Variants in SNTG2 observed in about 807,000 individuals in gnomAD.
The protein encoded by SNTG2 is syntrophin gamma 2, also known as gamma-2-syntrophin.
In SNTG2, 74 loss-of-function variants were observed where a neutral mutation model predicts 70.9. The ratio of observed to expected loss-of-function variants is 1.04; its 90% CI spans 0.86 to 1.27. The LOEUF is 1.27. SNTG2 is among the 50% of genes most tolerant of loss of function. The pLI, the probability that SNTG2 is intolerant of heterozygous loss-of-function variation, is 0.00. For missense variants in SNTG2, 717 were observed against 690.7 expected, an observed-to-expected ratio of 1.04 and a Z score of -0.43; for synonymous variants, 278 against 273.8, an observed-to-expected ratio of 1.02 and a Z score of -0.15.
intron 1 of SNTG2, among the ~76,000 whole-genome samples, chr2:1,008,293 T>G (rs1240736015): frequency 6.6e-6 from 1 of 152,250 alleles, no homozygotes; most frequent in Admixed American, 6.5e-5. Flanking sequence ...TCACCATTTA[T>G]AAGCAGATTC....
intron 12 of SNTG2, among the ~76,000 whole-genome samples, chr2:1,253,959 G>T (rs1677905170): frequency 6.6e-6 from 1 of 151,974 alleles, no homozygotes; most frequent in African/African-American, 2.4e-5. Flanking sequence ...GAGGAAGGGA[G>T]AAGATGCCAC....
At position 1,020,161 on chromosome 2, in the gene SNTG2, T is replaced by C. The variant is rs572371339; in HGVS notation, c.73-63357T>C. On this transcript the variant is annotated intron_variant, in intron 1 of 16. Transcript: ENST00000308624. Reference sequence around the variant, plus strand: ...AATGGTGCATTTCAAGTACACAAGCTGATGATGAATAAAATCCCATTTTAT... The same window carrying C: ...AATGGTGCATTTCAAGTACACAAGCCGATGATGAATAAAATCCCATTTTAT... Among the ~76,000 whole-genome samples, 39 of 152,362 alleles carry C rather than the reference T, an allele frequency of 2.6e-4. No homozygotes were observed. In the South Asian group the frequency reaches 7.9e-3, roughly 31 times the overall value.
intron 9 of SNTG2, among the ~76,000 whole-genome samples, chr2:1,215,113 A>G (rs1323024791): frequency 6.6e-6 from 1 of 152,168 alleles, no homozygotes; most frequent in Non-Finnish European, 1.5e-5. Context: ...GATCTTTTTA[A>G]TGTGCTATTG....
chr2:1,156,965 C>T lies in SNTG2; in HGVS notation c.412-8583C>T, dbSNP rs576776337. On this transcript the variant is annotated intron_variant, in intron 6 of 16. Transcript: ENST00000308624. Reference sequence around the variant, plus strand: ...AGGCCAATCTGGGCATCTTAAACTCCTTCCCTGGTTATCCATAGAAATATG... The same window carrying T: ...AGGCCAATCTGGGCATCTTAAACTCTTTCCCTGGTTATCCATAGAAATATG... 3.3e-5 allele frequency among the ~76,000 whole-genome samples: 5 copies of T among 152,232 alleles called. No individual in the cohort carries two copies. The East Asian group carries it at 7.7e-4, about 24-fold the overall frequency.
At chr2:1,062,216 G>A (rs557584277) in intron 1 of SNTG2, among the ~76,000 whole-genome samples, 46 of 152,246 alleles carry the variant, frequency 3.0e-4, no homozygotes, top group Admixed American at 5.2e-4. Context: ...TGATGGCCAC[G>A]TTTGTCATTG....
At chr2:1,090,012 C>T (rs1196860326) in intron 2 of SNTG2, among the ~76,000 whole-genome samples, 1 of 152,210 alleles carries the variant, frequency 6.6e-6, no homozygotes, top group Non-Finnish European at 1.5e-5. Context: ...GTTCCATTTA[C>T]ATTTTTAAAT....
intron 1 of SNTG2, among the ~76,000 whole-genome samples, chr2:1,073,796 T>C (rs1572366868): frequency 6.6e-6 from 1 of 152,208 alleles, no homozygotes; most frequent in Non-Finnish European, 1.5e-5. Context: ...GTGGTTAGGG[T>C]GAAGTTGCAT....
chr2:1,336,343 T>G (rs1659815112), intron 16 of SNTG2, among the ~76,000 whole-genome samples: 1 of 152,212 alleles, frequency 6.6e-6, no homozygotes, highest in African/African-American at 2.4e-5. Flanking sequence ...TTTGACTTCC[T>G]TATATATTTT....
At chr2:1,246,141 A>G (rs1677408418) in intron 11 of SNTG2, among the ~76,000 whole-genome samples, 1 of 152,232 alleles carries the variant, frequency 6.6e-6, no homozygotes. Flanking sequence ...ACAGTCAAGA[A>G]AGACAAAACT....
chr2:1,129,717 C>A (rs1296859080), intron 4 of SNTG2, among the ~76,000 whole-genome samples: 2 of 152,192 alleles, frequency 1.3e-5, no homozygotes, highest in African/African-American at 4.8e-5. Context: ...ACCTCAACCA[C>A]TTCTGGTTGT....
intron 16 of SNTG2, among the ~76,000 whole-genome samples, chr2:1,352,680 T>A (rs1280531443): frequency 6.6e-6 from 1 of 152,176 alleles, no homozygotes; most frequent in Non-Finnish European, 1.5e-5. Context: ...CTTCAGTGAG[T>A]GAAACAGCTG....
chr2:1,109,201 A>G (rs981020763), intron 4 of SNTG2, among the ~76,000 whole-genome samples: 2 of 151,736 alleles, frequency 1.3e-5, no homozygotes, highest in Non-Finnish European at 2.9e-5. Flanking sequence ...AGCCCCTTTT[A>G]TTCCCCCTAA....
chr2:1,322,773 C>T lies in SNTG2; in HGVS notation c.1488+6398C>T, dbSNP rs548628990. On this transcript the variant is annotated intron_variant, in intron 16 of 16. Transcript: ENST00000308624. Reference sequence around the variant, plus strand: ...TTGGGGTTGATACAAGGGAACCTATCGCTGCCCAATGATTTGGGGGCACTT... The same window carrying T: ...TTGGGGTTGATACAAGGGAACCTATTGCTGCCCAATGATTTGGGGGCACTT... Among the ~76,000 whole-genome samples the T allele has an allele frequency of 3.6e-4, 54 of 152,072 alleles. No homozygotes were observed. In the South Asian group the frequency reaches 9.8e-3, roughly 28 times the overall value.
intron 1 of SNTG2, among the ~76,000 whole-genome samples, chr2:1,021,936 C>T (rs1427093189): frequency 5.0e-5 from 6 of 121,110 alleles, no homozygotes; most frequent in African/African-American, 9.5e-5. Flanking sequence ...GTTTTATGTG[C>T]TTTTTTTTTT....
intron 6 of SNTG2, chr2:1,163,287 G>A (rs1253264877): frequency 2.0e-5 from 3 of 151,718 alleles, no homozygotes; most frequent in African/African-American, 7.3e-5. Flanking sequence ...CTCCCAACAG[G>A]AGGTGGGTGT....
chr2:1,183,657 A>C (rs891549527), intron 8 of SNTG2, among the ~76,000 whole-genome samples: 1 of 152,188 alleles, frequency 6.6e-6, no homozygotes, highest in African/African-American at 2.4e-5. Context: ...TATTTTTATT[A>C]TATATATGTG....
At chr2:1,302,352 A>G (rs1257861846) in intron 14 of SNTG2, among the ~76,000 whole-genome samples, 1 of 152,094 alleles carries the variant, frequency 6.6e-6, no homozygotes, top group Admixed American at 6.5e-5. Context: ...TTTGAAATAT[A>G]TATACTATAA....
chr2:1,228,789 C>A (rs1329496150), intron 9 of SNTG2, among the ~76,000 whole-genome samples: 3 of 152,222 alleles, frequency 2.0e-5, no homozygotes. Flanking sequence ...AAGAACGAAG[C>A]CGCGGACCCT....
chr2:1,229,209 C>T (rs1311866907), intron 9 of SNTG2, among the ~76,000 whole-genome samples: 2 of 152,198 alleles, frequency 1.3e-5, no homozygotes, highest in African/African-American at 4.8e-5. Flanking sequence ...CACCCACATC[C>T]TGCTGATTGG....
Sources: allele counts gnomAD v4.1 joint callset (sites outside exome capture counted in the v4.1 genomes callset), GRCh38; gene constraint gnomAD v4.1.1; transcripts MANE v1.5; gene names NCBI Gene and HGNC (gene_info 2026-07-23, HGNC 2026-07-21).